Variants in USP34 observed in about 807,000 individuals in gnomAD.
USP34 encodes ubiquitin carboxyl-terminal hydrolase 34.
Under a neutral mutation model 460.3 loss-of-function variants are expected in USP34, and 70 were observed. The ratio of observed to expected loss-of-function variants is 0.15; its 90% confidence interval spans 0.13 to 0.19. The LOEUF (loss-of-function observed/expected upper bound fraction) is 0.19. Among genes scored for constraint, USP34 ranks in the 10% least tolerant of loss-of-function variants. The probability of loss-of-function intolerance (pLI) is 1.00; values close to 1 mark genes in which losing one functional copy is unlikely to be tolerated. For missense variants in USP34, 3,985 were observed against 4,236.2 expected (o/e 0.94, Z 1.65); for synonymous variants, 1,647 against 1,405.3 (o/e 1.17, Z -3.85).
At chr2:61,262,611 T>C (rs1231199363) in intron 43 of USP34, among the ~76,000 whole-genome samples, 2 of 152,174 alleles carry the variant, frequency 1.3e-5, no homozygotes, top group Non-Finnish European at 2.9e-5. Flanking sequence ...GTTGATTCCA[T>C]GTTTTTGCTA....
intron 72 of USP34, among the ~76,000 whole-genome samples, chr2:61,205,596 CAAT>C (rs1443292063): frequency 1.3e-5 from 2 of 152,028 alleles, no homozygotes; most frequent in Non-Finnish European, 2.9e-5. Context: ...AATATGCAAT[CAAT>C]AAAAAGATGC....
chr2:61,215,805 T>C (rs1052694607), intron 67 of USP34, among the ~76,000 whole-genome samples: 2 of 152,236 alleles, frequency 1.3e-5, no homozygotes, highest in African/African-American at 4.8e-5. Context: ...CATAACTTTA[T>C]GTGGCAGGCA....
At chr2:61,201,211 GTTTTTTTT>G (rs59199472) in intron 75 of USP34, among the ~76,000 whole-genome samples, 20 of 101,382 alleles carry the variant, frequency 2.0e-4, no homozygotes, top group Non-Finnish European at 2.9e-4. Context: ...CTCATAGAAA[GTTTTTTTT>G]TTTTTTTTTT....
intron 1 of USP34, among the ~76,000 whole-genome samples, chr2:61,429,396 A>G (rs896885541): frequency 6.6e-6 from 1 of 152,068 alleles, no homozygotes; most frequent in Non-Finnish European, 1.5e-5. Flanking sequence ...GCAGTGAGCC[A>G]AGATTGCACC....
Position 61,383,330 on chromosome 2 carries a change from T to C in USP34, c.760A>G (p.Ile254Val). Residue 254 changes from isoleucine (I) to valine (V), a missense_variant, in exon 6 of 80, where the codon ATA becomes GTA. Ile to Val is a conservative substitution (Grantham distance 29). Around this residue, in one of 14 missense-constraint regions of USP34, gnomAD observed 70 missense variants for 109.5 expected, o/e 0.64. Coordinates refer to ENST00000398571, the MANE Select transcript of USP34 (RefSeq NM_014709.4). ...AFITVVSNIR[I>V]WLHIPAVMQH... ...ATGACAGCGGGAATATGTAGCCATA[T>C]TCTAATCTATATAAGAAACATAAAA... 3 of 1,600,710 alleles carry C rather than the reference T, an allele frequency of 1.9e-6. No individual in the cohort carries two copies. Among genetic ancestry groups the C allele is most frequent in the Non-Finnish European group, 1.7e-6 (2 of 1,171,460 alleles).
At chr2:61,251,788 C>T (rs1049696889) in intron 48 of USP34, among the ~76,000 whole-genome samples, 8 of 152,130 alleles carry the variant, frequency 5.3e-5, no homozygotes, top group Non-Finnish European at 1.0e-4. Context: ...GGTTTAACAT[C>T]AAATGCCATA....
chr2:61,240,596 C>CA (rs1688226831), intron 53 of USP34, among the ~76,000 whole-genome samples: 2 of 146,814 alleles, frequency 1.4e-5, no homozygotes, highest in Non-Finnish European at 3.0e-5. Flanking sequence ...TTTTTTGAGA[C>CA]AGAGTTTTGC....
At chr2:61,241,912 A>ATTGTTTTTT (rs1688273362) in intron 51 of USP34, 93 bp from the exon 52 acceptor site, 1 of 668,604 alleles carries the variant, frequency 1.5e-6, no homozygotes, top group Non-Finnish European at 2.4e-6. Flanking sequence ...GCTATTTTAT[A>ATTGTTTTTT]CTTAATAGTA....
At chr2:61,275,578 G>A (rs1246272107) in intron 41 of USP34, among the ~76,000 whole-genome samples, 1 of 151,686 alleles carries the variant, frequency 6.6e-6, no homozygotes, top group African/African-American at 2.4e-5. Flanking sequence ...AGCTATGATT[G>A]TGCCCCTGCA....
chr2:61,393,919 T>C (rs1340805888), intron 5 of USP34, among the ~76,000 whole-genome samples: 3 of 152,030 alleles, frequency 2.0e-5, no homozygotes, highest in East Asian at 3.9e-4. Flanking sequence ...GGGTGGATCA[T>C]GAGGTCAGGA....
At chr2:61,394,542 AAAAAAAAAAAAAAAAAT>A (rs1177311296) in intron 5 of USP34, among the ~76,000 whole-genome samples, 2 of 62,712 alleles carry the variant, frequency 3.2e-5, no homozygotes, top group South Asian at 5.3e-4. Flanking sequence ...TCAAAAAAAA[AAAAAAAAAAAAAAAAAT>A]AAGTTAAAAA....
At chr2:61,450,004 T>A (rs1167705552) in intron 1 of USP34, among the ~76,000 whole-genome samples, 1 of 152,040 alleles carries the variant, frequency 6.6e-6, no homozygotes, top group Non-Finnish European at 1.5e-5. Context: ...AGGCAGAGCC[T>A]GCAGTGAACA....
intron 23 of USP34, among the ~76,000 whole-genome samples, chr2:61,317,008 C>T (rs1235714213): frequency 6.6e-6 from 1 of 152,076 alleles, no homozygotes; most frequent in East Asian, 1.9e-4. Context: ...CTTTGTTGCC[C>T]AGGCTGAACC....
chr2:61,343,770 C>A, intron 16 of USP34, 45 bp downstream of exon 16: 1 of 1,561,722 alleles, frequency 6.4e-7, no homozygotes, highest in Non-Finnish European at 8.8e-7. Context: ...TAAATTATTC[C>A]TGTTGTGAAG....
chr2:61,295,359 A>G, intron 30 of USP34, 69 bp from the exon 31 acceptor site: 7 of 1,484,610 alleles, frequency 4.7e-6, no homozygotes, highest in Middle Eastern at 2.0e-4. Context: ...AACTTTAAAC[A>G]AACTGACACT....
chr2:61,449,501 A>G (rs2104056307), intron 1 of USP34, among the ~76,000 whole-genome samples: 1 of 122,278 alleles, frequency 8.2e-6, no homozygotes, highest in African/African-American at 3.2e-5. Flanking sequence ...AAGAGCCAAC[A>G]TAATTTTGAA....
At chr2:61,232,355 A>G (rs1687931318) in intron 58 of USP34, 97 bp downstream of exon 58, 1 of 1,008,426 alleles carries the variant, frequency 9.9e-7, no homozygotes, top group Admixed American at 2.4e-5. Context: ...ACTATTATCA[A>G]TATTAGGTTA....
chr2:61,316,562 G>C (rs1690755000), intron 23 of USP34, among the ~76,000 whole-genome samples: 1 of 151,374 alleles, frequency 6.6e-6, no homozygotes, highest in African/African-American at 2.4e-5. Flanking sequence ...TCCAGCCTGG[G>C]CGACAGAGCC....
intron 12 of USP34, 148 bp downstream of exon 12, chr2:61,350,112 C>T: frequency 1.4e-6 from 1 of 721,234 alleles, no homozygotes; most frequent in Non-Finnish European, 2.0e-6. Flanking sequence ...ACGAACTAAT[C>T]ACAGTATTAA....
Sources: allele counts gnomAD v4.1 joint callset (sites outside exome capture counted in the v4.1 genomes callset), GRCh38; gene constraint gnomAD v4.1.1; regional missense constraint gnomAD v4.1.1; transcripts MANE v1.5; gene names NCBI Gene and HGNC (gene_info 2026-07-23, HGNC 2026-07-21).